Variants in HLCS observed in about 807,000 individuals in gnomAD.
HLCS encodes holocarboxylase synthetase, also known as biotin--protein ligase.
A neutral mutation model predicts 75.0 loss-of-function variants in HLCS; 53 were observed. The ratio of observed to expected loss-of-function variants is 0.71; its 90% CI spans 0.57 to 0.89. HLCS has a LOEUF of 0.89. HLCS is among the 40% of genes least tolerant of loss of function. The probability of loss-of-function intolerance (pLI) is 0.00; values close to 1 mark genes in which losing one functional copy is unlikely to be tolerated. For synonymous variants in HLCS, 431 were observed against 428.6 expected (o/e 1.01, Z -0.07); for missense variants, 966 against 1,074.0 (o/e 0.90, Z 1.41).
At chr21:36,968,069 G>A (rs574045441), upstream of HLCS, among the ~76,000 whole-genome samples, 12 of 152,246 alleles carry the variant, frequency 7.9e-5, no homozygotes, top group South Asian at 2.5e-3. Flanking sequence ...GCCCAGGCTG[G>A]AGTGCCGTGG....
chr21:36,832,877 C>T (rs184780327), intron 6 of HLCS, among the ~76,000 whole-genome samples: 173 of 152,278 alleles, frequency 1.1e-3, no homozygotes, highest in Middle Eastern at 3.4e-3. Flanking sequence ...TTGTAAGGAG[C>T]CTCAGATGCA....
rs577683815 is a variant in HLCS, at chr21:36,894,254, T to C, written c.1892+2606A>G. Among the ~76,000 whole-genome samples, 18 of 152,358 alleles carry C rather than the reference T, an allele frequency of 1.2e-4. 1 individual carries two copies. In the South Asian group the frequency reaches 3.3e-3, roughly 28 times the overall value. On this transcript the variant is annotated intron_variant, in intron 6 of 10. Coordinates refer to ENST00000674895, the MANE Select transcript of HLCS (RefSeq NM_001352514.2). ...ATGCTTCCTGTACAGCCTGCAGAAC[T>C]GTGAGCCAATTAAACCTCTTTTCTT... is the stretch of plus-strand genomic sequence containing the variant.
intron 6 of HLCS, among the ~76,000 whole-genome samples, chr21:36,822,640 C>A (rs1203079327): frequency 2.0e-5 from 3 of 152,114 alleles, no homozygotes. Flanking sequence ...TATGCCCTTT[C>A]AAATCAATCA....
At chr21:36,938,781 G>T (rs372185079) in intron 3 of HLCS, 51 bp downstream of exon 3, 5 of 1,585,634 alleles carry the variant, frequency 3.2e-6, no homozygotes, top group Non-Finnish European at 4.3e-6. Flanking sequence ...TGGGATTACA[G>T]GCATGAGCCA....
Position 36,827,725 on chromosome 21 carries a change from T to C in HLCS, c.1893-60440A>G, listed in dbSNP as rs183876821. Among the ~76,000 whole-genome samples, 749 of 152,158 alleles carry C rather than the reference T, an allele frequency of 4.9e-3. 9 individuals carry two copies. The highest frequency in any genetic ancestry group is 0.017 in the African/African-American group (687 of 41,532). ...CTTGAGTGTGCTCATTGAAGAAACCTTGGTGACCTTTAGGGATTTTCTTTA... is the reference window on the plus strand; with the variant it reads ...CTTGAGTGTGCTCATTGAAGAAACCCTGGTGACCTTTAGGGATTTTCTTTA... On this transcript the variant is annotated intron_variant, in intron 6 of 10. Coordinates refer to ENST00000674895, the MANE Select transcript of HLCS (RefSeq NM_001352514.2).
chr21:36,819,176 GA>G (rs1053231023), intron 6 of HLCS, among the ~76,000 whole-genome samples: 3 of 152,206 alleles, frequency 2.0e-5, no homozygotes, highest in Admixed American at 6.5e-5. Context: ...GAATTAAAGA[GA>G]GAATAAGTAG....
chr21:36,891,884 C>T (rs1184113323), intron 6 of HLCS, among the ~76,000 whole-genome samples: 3 of 152,140 alleles, frequency 2.0e-5, no homozygotes, highest in African/African-American at 7.2e-5. Flanking sequence ...CCACATAGAG[C>T]CCAGAAGCCT....
chr21:36,762,269 TG>T (rs2145755738), intron 8 of HLCS, among the ~76,000 whole-genome samples: 1 of 152,172 alleles, frequency 6.6e-6, no homozygotes, highest in Admixed American at 6.5e-5. Context: ...AGGAAAGAGC[TG>T]GAAGTAGCTG....
chr21:36,862,446 A>T (rs1178399902), intron 6 of HLCS, among the ~76,000 whole-genome samples: 1 of 152,142 alleles, frequency 6.6e-6, no homozygotes, highest in African/African-American at 2.4e-5. Context: ...ATCCTTGCGA[A>T]TACTTGTTAC....
intron 5 of HLCS, among the ~76,000 whole-genome samples, chr21:36,899,784 G>A (rs181167501): frequency 2.0e-5 from 3 of 152,214 alleles, no homozygotes; most frequent in East Asian, 1.9e-4. Flanking sequence ...GTCTTTGGAG[G>A]GTTAATGCTA....
Position 36,748,790 on chromosome 21 carries a change from A to G in HLCS, c.*5456T>C, listed in dbSNP as rs2089275561. The G allele has an allele frequency of 6.6e-6, 1 of 152,632 alleles. No homozygotes were observed. Among genetic ancestry groups the G allele is most frequent in the Non-Finnish European group, 1.5e-5 (1 of 68,044 alleles). 9.5% of individuals were successfully genotyped at this position (152,632 alleles called of 1,614,324 possible). The stretch of plus-strand genomic sequence containing the variant: ...TCCCCCTAACCCCTATGAACTCTTG[A>G]TAACACCAAGAGTAGCACCTTCAGA... On this transcript the variant is annotated 3_prime_UTR_variant, in exon 11 of 11. Transcript: ENST00000674895.
At chr21:36,788,439 C>G (rs1173314337) in intron 6 of HLCS, among the ~76,000 whole-genome samples, 6 of 152,242 alleles carry the variant, frequency 3.9e-5, no homozygotes, top group Non-Finnish European at 5.9e-5. Context: ...GAATGACCCT[C>G]ATAAACCCAA....
At chr21:36,964,361 T>C (rs1219227723) in intron 1 of HLCS, among the ~76,000 whole-genome samples, 1 of 152,200 alleles carries the variant, frequency 6.6e-6, no homozygotes, top group Non-Finnish European at 1.5e-5. Context: ...AAAATAACAG[T>C]AGCCAACCAC....
At chr21:36,826,369 C>T (rs547336981) in intron 6 of HLCS, among the ~76,000 whole-genome samples, 25 of 152,134 alleles carry the variant, frequency 1.6e-4, no homozygotes, top group Non-Finnish European at 2.8e-4. Flanking sequence ...GTTCAGTACT[C>T]GCTACACTGA....
At chr21:36,853,215 T>C (rs1054660506) in intron 6 of HLCS, among the ~76,000 whole-genome samples, 3 of 152,346 alleles carry the variant, frequency 2.0e-5, no homozygotes, top group South Asian at 4.1e-4. Flanking sequence ...CTCTCCCATA[T>C]GTGCTTTCCT....
intron 9 of HLCS, among the ~76,000 whole-genome samples, chr21:36,758,201 A>G (rs1484427356): frequency 6.6e-6 from 1 of 151,848 alleles, no homozygotes; most frequent in African/African-American, 2.4e-5. Context: ...CAACCTCCTG[A>G]GCTCAGGTGA....
intron 2 of HLCS, among the ~76,000 whole-genome samples, chr21:36,960,517 C>T (rs2068236572): frequency 1.3e-5 from 2 of 152,232 alleles, no homozygotes; most frequent in Non-Finnish European, 2.9e-5. Flanking sequence ...GCCTGATGCT[C>T]TGCCCGCTCC....
chr21:36,926,024 C>T (rs2845812), intron 5 of HLCS, among the ~76,000 whole-genome samples: 25,081 of 152,236 alleles, frequency 0.16, 2,267 homozygotes, highest in Middle Eastern at 0.29. Flanking sequence ...TTGCTGCTGA[C>T]TGCCTGTCAC....
At chr21:36,909,841 G>T (rs1415674605) in intron 5 of HLCS, among the ~76,000 whole-genome samples, 1 of 152,134 alleles carries the variant, frequency 6.6e-6, no homozygotes, top group Non-Finnish European at 1.5e-5. Flanking sequence ...TATTTCTTAT[G>T]ATCTCCATGT....
Sources: gnomAD v4.1 joint callset for allele counts (sites outside exome capture counted in the v4.1 genomes callset) on GRCh38, gnomAD v4.1.1 for gene constraint, MANE v1.5 for transcripts, NCBI Gene and HGNC (gene_info 2026-07-23, HGNC 2026-07-21) for gene names.